Variants in KDM6B observed in about 807,000 individuals in gnomAD.
The protein encoded by KDM6B is lysine-specific demethylase 6B.
A neutral mutation model predicts 150.4 loss-of-function variants in KDM6B; 22 were observed. That is an observed-to-expected ratio of 0.15 (90% confidence interval 0.10 to 0.21). The LOEUF (loss-of-function observed/expected upper bound fraction) is 0.21, where lower values mean the gene tolerates loss of function less well. Among genes scored for constraint, KDM6B ranks in the 10% least tolerant of loss-of-function variants. KDM6B has a pLI of 1.00. For synonymous variants in KDM6B, 1,148 were observed against 921.1 expected (o/e 1.25, Z -4.46); for missense variants, 1,984 against 2,234.3 (o/e 0.89, Z 2.26).
At chr17:7,850,291 T>C (rs914876235) in intron 14 of KDM6B, 114 bp downstream of exon 14, 1 of 811,036 alleles carries the variant, frequency 1.2e-6, no homozygotes, top group Non-Finnish European at 2.0e-6. Context: ...AGGAGTCCAC[T>C]GAGTGATGGG....
intron 1 of KDM6B, among the ~76,000 whole-genome samples, chr17:7,836,498 A>G (rs1412511414): frequency 6.6e-6 from 1 of 152,014 alleles, no homozygotes; most frequent in Non-Finnish European, 1.5e-5. Flanking sequence ...GATCCTGCAG[A>G]TGGAAGACGG....
intron 1 of KDM6B, among the ~76,000 whole-genome samples, chr17:7,835,239 GA>G (rs1251434974): frequency 1.3e-5 from 2 of 152,266 alleles, no homozygotes; most frequent in Non-Finnish European, 2.9e-5. Flanking sequence ...AAATAGTGGG[GA>G]GGGGGGCACG....
At position 7,852,724 on chromosome 17, in the gene KDM6B, C is replaced by T. The variant is rs1437674117; in HGVS notation, c.4610+88C>T. 27 of 1,561,534 alleles carry T rather than the reference C, an allele frequency of 1.7e-5. No individual in the cohort carries two copies. The South Asian group carries it at 2.5e-4, about 14-fold the overall frequency. ...GTCTGACTCCACCCCATTTTTACCT[C>T]TCTCCATCCTTGTCTGCCTGTGCCC... On this transcript the variant is annotated intron_variant, in intron 21 of 23. Coordinates refer to ENST00000448097, the MANE Select transcript of KDM6B (RefSeq NM_001348716.2).
At position 7,852,345 on chromosome 17, in the gene KDM6B, G is replaced by A. The variant is rs2078714268; in HGVS notation, c.4468+9G>A. 8 of 1,609,562 alleles carry A rather than the reference G, an allele frequency of 5.0e-6. No individual in the cohort carries two copies. The highest frequency in any genetic ancestry group is 6.8e-6 in the Non-Finnish European group (8 of 1,178,474). On this transcript the variant is annotated intron_variant, in intron 20 of 23. Coordinates refer to ENST00000448097, the MANE Select transcript of KDM6B (RefSeq NM_001348716.2). Reference sequence around the variant, plus strand: ...CGTGGGGCCCCTCACCGGTGAGAGGGTGGGGCAGGTGTTGGCGTGGTGTGG... The same window carrying A: ...CGTGGGGCCCCTCACCGGTGAGAGGATGGGGCAGGTGTTGGCGTGGTGTGG...
chr17:7,836,143 G>C (rs1273700704), intron 1 of KDM6B, among the ~76,000 whole-genome samples: 1 of 152,238 alleles, frequency 6.6e-6, no homozygotes. Context: ...TGTTGGTGGC[G>C]GAGGAGGGCA....
At chr17:7,838,968 G>A (rs916008167) in intron 1 of KDM6B, among the ~76,000 whole-genome samples, 1 of 152,154 alleles carries the variant, frequency 6.6e-6, no homozygotes, top group African/African-American at 2.4e-5. Context: ...GAGACTGGGG[G>A]CTAGAGGCCT....
In KDM6B at chr17:7,846,675, G is replaced by A; in HGVS notation, c.646G>A (p.Gly216Ser). ...GCCTGTGCCTCCTGCAGCACTCTCAGGCCCCTCAGGGGAGGAGGGCCTCAG... is the reference window on the plus strand; with the variant it reads ...GCCTGTGCCTCCTGCAGCACTCTCAAGCCCCTCAGGGGAGGAGGGCCTCAG... ...VQPVPPAALSGPSGEEGLSPG... is the reference protein window; with the variant it reads ...VQPVPPAALSSPSGEEGLSPG... The change falls in exon 9 of 24, where the codon GGC becomes AGC. Residue 216 changes from glycine to serine, a missense_variant. Gly to Ser is a moderately conservative substitution (Grantham distance 56). This residue lies in a region of KDM6B where 337 missense variants were observed against 323.9 expected (regional missense o/e 1.04). Transcript: ENST00000448097. 6 of 1,614,134 alleles carry A rather than the reference G, an allele frequency of 3.7e-6. No individual in the cohort carries two copies. Among genetic ancestry groups the A allele is most frequent in the Non-Finnish European group, 5.1e-6 (6 of 1,179,986 alleles).
chr17:7,834,914 C>T (rs532036304), intron 1 of KDM6B, among the ~76,000 whole-genome samples: 1 of 152,154 alleles, frequency 6.6e-6, no homozygotes, highest in Non-Finnish European at 1.5e-5. Context: ...TCTCGCCCCG[C>T]TAGCCTCCTC....
Position 7,849,227 on chromosome 17 carries a change from A to G in KDM6B, c.2939A>G (p.Gln980Arg). ...GSCKRRQKEH[Q>R]KEHRRHRRAC... ...TGTAAGCGGCGACAGAAGGAGCATC[A>G]GAAGGAGCATCGGCGGCACAGGCGG... The change falls in exon 12 of 24, where the codon CAG (glutamine) becomes CGG (arginine). Residue 980 changes from glutamine to arginine, a missense_variant. Around this residue, in one of 13 missense-constraint regions of KDM6B, gnomAD observed 1,379 missense variants for 1,275.6 expected, o/e 1.08. Coordinates refer to ENST00000448097, the MANE Select transcript of KDM6B (RefSeq NM_001348716.2). 3 of 1,582,818 alleles carry G rather than the reference A, an allele frequency of 1.9e-6. No homozygotes were observed. Among genetic ancestry groups the G allele is most frequent in the African/African-American group, 1.3e-5 (1 of 74,172 alleles).
chr17:7,849,131 G>A lies in KDM6B; in HGVS notation c.2843G>A (p.Gly948Glu). ...PVDTAEPADS[G>E]TERLLPPAQA... ...GACACAGCAGAGCCAGCGGACAGTG[G>A]GACTGAGCGACTGCTGCCCCCCGCA... The change falls in exon 12 of 24, where the codon GGG becomes GAG. Residue 948 changes from glycine (G) to glutamate (E), a missense_variant. Physicochemically the swap from Gly to Glu is moderately conservative, Grantham distance 98. Coordinates refer to ENST00000448097, the MANE Select transcript of KDM6B (RefSeq NM_001348716.2). The A allele has an allele frequency of 6.2e-7, 1 of 1,612,322 alleles. No individual in the cohort carries two copies. The highest frequency in any genetic ancestry group is 8.5e-7 in the Non-Finnish European group (1 of 1,179,806).
At chr17:7,841,397 G>A (rs1048741029) in intron 2 of KDM6B, among the ~76,000 whole-genome samples, 1 of 152,226 alleles carries the variant, frequency 6.6e-6, no homozygotes, top group Non-Finnish European at 1.5e-5. Flanking sequence ...GGAGTCAGGA[G>A]GGTGGGCCTG....
intron 7 of KDM6B, 29 bp from the exon 8 acceptor site, chr17:7,846,371 G>GGGGCGGCGCCGGGGCCCCCCC: frequency 6.7e-7 from 1 of 1,488,926 alleles, no homozygotes; most frequent in Non-Finnish European, 9.2e-7. Flanking sequence ...CCTGACATCT[G>GGGGCGGCGCCGGGGCCCCCCC]CCCCTGCCCC....
chr17:7,853,173 C>T (rs776004804), intron 22 of KDM6B, 37 bp from the exon 23 acceptor site: 2 of 1,613,940 alleles, frequency 1.2e-6, no homozygotes, highest in Admixed American at 1.7e-5. Context: ...CACAGTGGCC[C>T]TCCCTCCCCC....
intron 14 of KDM6B, 100 bp downstream of exon 14, chr17:7,850,277 C>CTCACGGCCACT: frequency 2.2e-6 from 2 of 924,494 alleles, no homozygotes; most frequent in Non-Finnish European, 3.4e-6. Context: ...TGACAGTGGC[C>CTCACGGCCACT]GTGAGGAGTC....
Position 7,851,156 on chromosome 17 carries a change from G to A in KDM6B, c.3809G>A (p.Ser1270Asn). The A allele has an allele frequency of 6.2e-7, 1 of 1,613,924 alleles. No individual in the cohort carries two copies. Among genetic ancestry groups the A allele is most frequent in the Non-Finnish European group, 8.5e-7 (1 of 1,180,028 alleles). The change falls in exon 15 of 24, where the codon AGC becomes AAC. Residue 1270 changes from serine to asparagine, a missense_variant. By Grantham distance (46) the Ser-to-Asn change is conservative. Transcript: ENST00000448097. Reference sequence around the variant, plus strand: ...ACTCGGCAGATCTGGCCTTGTGAGAGCTCCCGTTCCCACACCACCATTGCC... The same window carrying A: ...ACTCGGCAGATCTGGCCTTGTGAGAACTCCCGTTCCCACACCACCATTGCC... ...TGTRQIWPCE[S>N]SRSHTTIAKY...
In KDM6B at chr17:7,850,197, A is replaced by G. The variant is rs770132276; in HGVS notation, c.3673+20A>G. On this transcript the variant is annotated intron_variant, in intron 14 of 23. Transcript: ENST00000448097. ...GGCTCAGTGAGTATGGGGGGCAGAA[A>G]GTGTTAGGGAGGGCTACAAGGGTCT... is the stretch of plus-strand genomic sequence containing the variant. 1.7e-5 allele frequency: 27 copies of G among 1,592,658 alleles called. No individual in the cohort carries two copies. The highest frequency in any genetic ancestry group is 1.3e-5 in the African/African-American group (1 of 74,466).
chr17:7,839,297 G>GGAGGGGACAGGATA (rs1004236854), intron 1 of KDM6B, among the ~76,000 whole-genome samples: 5 of 152,168 alleles, frequency 3.3e-5, no homozygotes, highest in Non-Finnish European at 7.3e-5. Flanking sequence ...TTGCCTTGGG[G>GGAGGGGACAGGATA]TTGGCAGGGA....
At chr17:7,839,373 A>T (rs1597820142) in intron 1 of KDM6B, among the ~76,000 whole-genome samples, 2 of 151,872 alleles carry the variant, frequency 1.3e-5, no homozygotes, top group South Asian at 4.1e-4. Context: ...GCAGGGGAGG[A>T]TGGCCCCTCC....
At chr17:7,852,842 C>T (rs1429189210) in intron 21 of KDM6B, among the ~76,000 whole-genome samples, 158 bp from the exon 22 acceptor site, 3 of 152,196 alleles carry the variant, frequency 2.0e-5, no homozygotes, top group Admixed American at 6.5e-5. Flanking sequence ...GAAACTTCGC[C>T]TATAACAGAT....
Sources: gnomAD v4.1 joint callset for allele counts (sites outside exome capture counted in the v4.1 genomes callset) on GRCh38, gnomAD v4.1.1 for gene constraint, gnomAD v4.1.1 regional missense constraint, MANE v1.5 for transcripts, NCBI Gene and HGNC (gene_info 2026-07-23, HGNC 2026-07-21) for gene names.